The following RPS6KA2 variants were observed in gnomAD, a reference collection of about 807,000 sequenced individuals.
RPS6KA2 encodes ribosomal protein S6 kinase alpha-2.
Under a neutral mutation model 91.8 loss-of-function variants are expected in RPS6KA2, and 42 were observed. That is an observed-to-expected ratio of 0.46 (90% CI 0.36 to 0.59). RPS6KA2 has a LOEUF of 0.59. RPS6KA2 is among the 20% of genes least tolerant of loss of function. RPS6KA2 has a pLI of 0.00. For synonymous variants in RPS6KA2, 414 were observed against 393.6 expected, an observed-to-expected ratio of 1.05 and a Z score of -0.61; for missense variants, 798 against 978.5, an observed-to-expected ratio of 0.82 and a Z score of 2.46.
At chr6:166,713,176 A>C (rs1789916757) in intron 2 of RPS6KA2, among the ~76,000 whole-genome samples, 1 of 152,076 alleles carries the variant, frequency 6.6e-6, no homozygotes, top group Non-Finnish European at 1.5e-5. Flanking sequence ...CCCGGAACAC[A>C]ACTCACTTTC....
At chr6:166,637,704 C>T (rs1462702576) in intron 2 of RPS6KA2, among the ~76,000 whole-genome samples, 1 of 152,244 alleles carries the variant, frequency 6.6e-6, no homozygotes, top group African/African-American at 2.4e-5. Flanking sequence ...GGGCGTTTGT[C>T]CCACTGGTGG....
chr6:166,500,852 G>A lies in RPS6KA2; in HGVS notation c.604+35C>T. ...TCCCCAAAGGTACCAGGGCTGAGAT[G>A]AAGCCATGGAGGGGGCCTGCCGTCT... On this transcript the variant is annotated intron_variant, in intron 7 of 20. Transcript: ENST00000265678. The surrounding 1 kb of genome is among the most constrained non-coding windows in gnomAD (Gnocchi z 4.3). 1 of 1,598,144 alleles carries A rather than the reference G, an allele frequency of 6.3e-7. No individual in the cohort carries two copies. Among genetic ancestry groups the A allele is most frequent in the Non-Finnish European group, 8.6e-7 (1 of 1,165,460 alleles).
intron 2 of RPS6KA2, among the ~76,000 whole-genome samples, chr6:166,707,736 TTC>T (rs907156101): frequency 2.0e-5 from 3 of 151,424 alleles, no homozygotes; most frequent in South Asian, 4.2e-4. Context: ...CTTTCTTTCT[TTC>T]TCTCTCTCTC....
intron 2 of RPS6KA2, among the ~76,000 whole-genome samples, chr6:166,838,322 G>A (rs908400366): frequency 3.3e-5 from 5 of 152,180 alleles, no homozygotes; most frequent in African/African-American, 1.2e-4. Context: ...AATGGTTCTG[G>A]GGAAGGCAAG....
At chr6:166,475,817 G>A (rs1420710022) in intron 10 of RPS6KA2, 3 of 530,280 alleles carry the variant, frequency 5.7e-6, no homozygotes, top group South Asian at 1.4e-5. Context: ...AACTCACACG[G>A]GGGCAGAGGG....
intron 2 of RPS6KA2, among the ~76,000 whole-genome samples, chr6:166,532,826 T>TGAGAGA (rs3839531): frequency 0.034 from 5,155 of 149,462 alleles, 269 homozygotes; most frequent in African/African-American, 0.12. Context: ...GTGTGGAGTG[T>TGAGAGA]GAGAGAGAGA....
chr6:166,476,477 G>T (rs533543135), intron 10 of RPS6KA2, among the ~76,000 whole-genome samples: 1 of 152,316 alleles, frequency 6.6e-6, no homozygotes, highest in Admixed American at 6.5e-5. Context: ...GCTACACTGT[G>T]CGCACACAGA....
Position 166,533,920 on chromosome 6 carries a change from A to G in RPS6KA2, c.217-2607T>C, listed in dbSNP as rs1385766832. On this transcript the variant is annotated intron_variant, in intron 2 of 20. Transcript: ENST00000265678. The surrounding 1 kb of genome is among the most constrained non-coding windows in gnomAD (Gnocchi z 4.0). ...AGCATAGCAAAACCCCAGGTCTAGT[A>G]AAAATAAAAATAAAAATTAGGGCTG... is the stretch of plus-strand genomic sequence containing the variant. 6.6e-6 allele frequency among the ~76,000 whole-genome samples: 1 copy of G among 152,174 alleles called. No homozygotes were observed. Among genetic ancestry groups the G allele is most frequent in the African/African-American group, 2.4e-5 (1 of 41,426 alleles).
intron 1 of RPS6KA2, among the ~76,000 whole-genome samples, chr6:166,583,772 G>A (rs927276376): frequency 5.3e-5 from 8 of 152,334 alleles, no homozygotes. Flanking sequence ...GAGGCATCAC[G>A]CCAAAGGAAG....
At chr6:166,741,598 T>C (rs1220710199) in intron 2 of RPS6KA2, among the ~76,000 whole-genome samples, 2 of 152,250 alleles carry the variant, frequency 1.3e-5, no homozygotes, top group South Asian at 2.1e-4. Flanking sequence ...TGTCCTTTAG[T>C]ACTGTGCTGA....
chr6:166,696,624 C>A (rs1789365849), intron 2 of RPS6KA2, among the ~76,000 whole-genome samples: 1 of 152,150 alleles, frequency 6.6e-6, no homozygotes, highest in Non-Finnish European at 1.5e-5. Context: ...AGATACTGGT[C>A]AGGGTTATTA....
At chr6:166,774,950 A>G (rs909838994) in intron 2 of RPS6KA2, among the ~76,000 whole-genome samples, 4 of 151,916 alleles carry the variant, frequency 2.6e-5, no homozygotes, top group African/African-American at 9.7e-5. Context: ...TCCAGCTTTT[A>G]GGGTTGGGAG....
At chr6:166,681,569 G>A (rs561228631) in intron 2 of RPS6KA2, among the ~76,000 whole-genome samples, 28 of 152,018 alleles carry the variant, frequency 1.8e-4, no homozygotes, top group Non-Finnish European at 3.5e-4. Context: ...CTCCCTGCAA[G>A]TTGCACCAGG....
intron 2 of RPS6KA2, among the ~76,000 whole-genome samples, chr6:166,840,746 G>A (rs1780450715): frequency 1.3e-5 from 2 of 152,196 alleles, no homozygotes; most frequent in Non-Finnish European, 2.9e-5. Flanking sequence ...CAGATCACCT[G>A]AGGTCGGGAG....
At chr6:166,432,994 C>CAAAAA (rs397728789) in intron 14 of RPS6KA2, among the ~76,000 whole-genome samples, 10 of 82,758 alleles carry the variant, frequency 1.2e-4, no homozygotes, top group African/African-American at 3.3e-4. Context: ...GACTCTGTCT[C>CAAAAA]AAAAAAAAAA....
chr6:166,778,618 T>C (rs11969416), intron 2 of RPS6KA2, among the ~76,000 whole-genome samples: 32,771 of 152,046 alleles, frequency 0.22, 4,350 homozygotes, highest in African/African-American at 0.37. Context: ...ATATAAAAAT[T>C]AGACGGTTGT....
At position 166,582,916 on chromosome 6, in the gene RPS6KA2, G is replaced by A. The variant is rs538339109; in HGVS notation, c.99+44005C>T. The stretch of plus-strand genomic sequence containing the variant: ...TAAATATTTTTGGTAACTTGATGTG[G>A]ATAATAATTTGAAGATTTAAGAAAA... On this transcript the variant is annotated intron_variant, in intron 1 of 20. Transcript: ENST00000265678. Among the ~76,000 whole-genome samples, 296 of 152,280 alleles carry A rather than the reference G, an allele frequency of 1.9e-3. 1 individual carries two copies. Among genetic ancestry groups the A allele is most frequent in the African/African-American group, 6.8e-3 (284 of 41,566 alleles).
At chr6:166,425,287 G>T (rs1005354078) in intron 16 of RPS6KA2, among the ~76,000 whole-genome samples, 2 of 150,344 alleles carry the variant, frequency 1.3e-5, no homozygotes, top group Admixed American at 1.3e-4. Flanking sequence ...CTCTTTTAGG[G>T]CTCCTGAAGG....
At chr6:166,704,601 C>T (rs1789623660) in intron 2 of RPS6KA2, among the ~76,000 whole-genome samples, 1 of 152,196 alleles carries the variant, frequency 6.6e-6, no homozygotes, top group Non-Finnish European at 1.5e-5. Flanking sequence ...TGCCCATCGG[C>T]CCCAGGTTTC....
Sources: gnomAD v4.1 joint callset for allele counts (sites outside exome capture counted in the v4.1 genomes callset) on GRCh38, gnomAD v4.1.1 for gene constraint, Gnocchi (gnomAD v3.1) non-coding constraint, MANE v1.5 for transcripts, NCBI Gene and HGNC (gene_info 2026-07-23, HGNC 2026-07-21) for gene names.